The following ACSL5 variants were observed in gnomAD, a reference collection of about 807,000 sequenced individuals.
ACSL5 encodes acyl-CoA synthetase long chain family member 5.
ACSL5 carries 50 observed loss-of-function variants against 84.9 expected under a neutral mutation model. The observed-to-expected ratio is 0.59, with a 90% confidence interval of 0.47 to 0.75. The LOEUF is 0.75. Among genes scored for constraint, ACSL5 ranks in the 30% least tolerant of loss-of-function variants. The pLI is 0.00. For synonymous variants in ACSL5, 280 were observed against 300.7 expected (o/e 0.93, Z 0.71); for missense variants, 775 against 830.4 (o/e 0.93, Z 0.82).
In ACSL5 at chr10:112,421,573, G is replaced by A; in HGVS notation, c.1315-20G>A. On this transcript the variant is annotated intron_variant, in intron 14 of 20. Transcript: ENST00000354655. ...CACTTTATCTTGAGTAAGTCTAAAA[G>A]CTCTTCTTTGGTTTCCCAGGTGTAT... 1.2e-6 allele frequency: 2 copies of A among 1,612,002 alleles called. No homozygotes were observed. Among genetic ancestry groups the A allele is most frequent in the Non-Finnish European group, 1.7e-6 (2 of 1,178,026 alleles).
intron 17 of ACSL5, chr10:112,424,876 G>A (rs1052916691): frequency 6.5e-6 from 1 of 152,846 alleles, no homozygotes. Context: ...GCACAGTGGA[G>A]CTGTTTGAGC....
chr10:112,377,672 G>A (rs530062064), intron 1 of ACSL5, among the ~76,000 whole-genome samples: 1 of 152,290 alleles, frequency 6.6e-6, no homozygotes, highest in Non-Finnish European at 1.5e-5. Flanking sequence ...CCCTCCGATT[G>A]ATCAGTATTC....
At chr10:112,404,865 ATGCTATTCCCCGTCC>A (rs1843994223) in intron 5 of ACSL5, 59 bp downstream of exon 5, 1 of 1,433,086 alleles carries the variant, frequency 7.0e-7, no homozygotes, top group East Asian at 2.3e-5. Flanking sequence ...AAAACTTCAA[ATGCTATTCCCCGTCC>A]AGCATTCCAA....
At chr10:112,412,036 A>G (rs993353626) in intron 11 of ACSL5, 57 bp downstream of exon 11, 1 of 1,488,716 alleles carries the variant, frequency 6.7e-7, no homozygotes, top group South Asian at 1.1e-5. Flanking sequence ...TTGCTATCAC[A>G]TGTTTATTCC....
chr10:112,422,147 G>A (rs893460169), intron 16 of ACSL5, 112 bp downstream of exon 16: 2 of 1,286,538 alleles, frequency 1.6e-6, no homozygotes, highest in African/African-American at 1.5e-5. Context: ...TGTTAGCAAA[G>A]AATTAAGCAT....
chr10:112,425,549 AT>A, intron 18 of ACSL5, 68 bp downstream of exon 18: 1 of 1,317,094 alleles, frequency 7.6e-7, no homozygotes, highest in Non-Finnish European at 1.0e-6. Flanking sequence ...GCTACAGGAA[AT>A]TTGTATAGTT....
At chr10:112,389,286 C>T (rs1443995718) in intron 1 of ACSL5, among the ~76,000 whole-genome samples, 1 of 152,132 alleles carries the variant, frequency 6.6e-6, no homozygotes, top group Non-Finnish European at 1.5e-5. Flanking sequence ...TGTTAGGAGC[C>T]AGGAGATGAG....
rs752811630 is a variant in ACSL5 at position 112,427,327 on chromosome 10, T to C, written c.2021T>C (p.Ile674Thr). 6.8e-6 allele frequency: 11 copies of C among 1,613,592 alleles called. No homozygotes were observed. The highest frequency in any genetic ancestry group is 6.7e-5 in the African/African-American group (5 of 74,860). The change falls in exon 21 of 21, where the codon ATT (isoleucine) becomes ACT (threonine). Residue 674 changes from isoleucine to threonine, a missense_variant. Ile to Thr is a moderately conservative substitution (Grantham distance 89). Coordinates refer to ENST00000354655, the MANE Select transcript of ACSL5 (RefSeq NM_203379.2). ...GELSKYFRTQ[I>T]DSLYEHIQD The stretch of plus-strand genomic sequence containing the variant: ...CTTTCCAAATACTTTCGGACCCAAA[T>C]TGACAGCCTGTATGAGCACATCCAG...
chr10:112,417,369 G>T (rs1040392923), intron 13 of ACSL5, among the ~76,000 whole-genome samples: 3 of 151,910 alleles, frequency 2.0e-5, no homozygotes, highest in Non-Finnish European at 4.4e-5. Flanking sequence ...CGGGCGTGGT[G>T]GTGGGTGCCT....
At chr10:112,375,338 T>C (rs2133549642) in intron 1 of ACSL5, 1 of 151,356 alleles carries the variant, frequency 6.6e-6, no homozygotes. Flanking sequence ...CAAAGGCGGC[T>C]CCCCAGAGGC....
rs543371693 is a variant in ACSL5 at position 112,404,579 on chromosome 10, A to G, written c.330+4A>G. On this transcript the variant is annotated splice_donor_region_variant and intron_variant, in intron 4 of 20. Coordinates refer to ENST00000354655, the MANE Select transcript of ACSL5 (RefSeq NM_203379.2). Reference sequence around the variant, plus strand: ...CAGATGGCTATCTTACAAACAGGTAAGTTGAGTCCATGTTTTTAGACAGAT... The same window carrying G: ...CAGATGGCTATCTTACAAACAGGTAGGTTGAGTCCATGTTTTTAGACAGAT... 1.2e-6 allele frequency: 2 copies of G among 1,611,978 alleles called. No individual in the cohort carries two copies. The highest frequency in any genetic ancestry group is 3.3e-5 in the Admixed American group (2 of 60,006).
At chr10:112,388,742 A>G (rs1849501860) in intron 1 of ACSL5, among the ~76,000 whole-genome samples, 1 of 152,242 alleles carries the variant, frequency 6.6e-6, no homozygotes, top group South Asian at 2.1e-4. Flanking sequence ...GAAGAGAACA[A>G]AGTCCATGAC....
chr10:112,407,634 T>C (rs1209494082), intron 5 of ACSL5, among the ~76,000 whole-genome samples: 1 of 152,196 alleles, frequency 6.6e-6, no homozygotes, highest in Non-Finnish European at 1.5e-5. Context: ...ACATGGGGAT[T>C]ATGGGAACTA....
chr10:112,396,463 G>A (rs1478811349), intron 2 of ACSL5: 2 of 152,166 alleles, frequency 1.3e-5, no homozygotes, highest in African/African-American at 2.4e-5. Context: ...ACTGTGTTCC[G>A]ATAAAAGTTT....
chr10:112,375,802 T>C (rs1564727522), intron 1 of ACSL5, among the ~76,000 whole-genome samples: 1 of 152,216 alleles, frequency 6.6e-6, no homozygotes, highest in South Asian at 2.1e-4. Context: ...TTGCTTATTT[T>C]CTTGGCTTTG....
rs559588553 is a variant in ACSL5 at position 112,384,125 on chromosome 10, G to A, written c.-30+9856G>A. Reference sequence around the variant, plus strand: ...CGCTTGAACCCAGGAGGCAGAGGTTGCAGTGAGCCGAGATCACACCACTGC... The same window carrying A: ...CGCTTGAACCCAGGAGGCAGAGGTTACAGTGAGCCGAGATCACACCACTGC... On this transcript the variant is annotated intron_variant, in intron 1 of 20. Coordinates refer to ENST00000354655, the MANE Select transcript of ACSL5 (RefSeq NM_203379.2). 2.6e-5 allele frequency among the ~76,000 whole-genome samples: 4 copies of A among 152,154 alleles called. No homozygotes were observed. In the East Asian group the frequency reaches 7.8e-4, roughly 29 times the overall value.
At chr10:112,425,641 GCAA>G in intron 18 of ACSL5, 160 bp downstream of exon 18, 1 of 635,098 alleles carries the variant, frequency 1.6e-6, no homozygotes, top group Non-Finnish European at 2.4e-6. Context: ...CTCAAATAAG[GCAA>G]TTTCAATTTA....
At chr10:112,379,787 G>A (rs1419770940) in intron 1 of ACSL5, among the ~76,000 whole-genome samples, 1 of 152,226 alleles carries the variant, frequency 6.6e-6, no homozygotes, top group African/African-American at 2.4e-5. Context: ...GCACGACCTT[G>A]AAAGTTTGCC....
chr10:112,397,946 C>A (rs1480440786), intron 2 of ACSL5, among the ~76,000 whole-genome samples: 1 of 151,812 alleles, frequency 6.6e-6, no homozygotes, highest in Non-Finnish European at 1.5e-5. Flanking sequence ...CTATACATAT[C>A]ATCTCTCCTC....
Sources: allele counts gnomAD v4.1 joint callset (sites outside exome capture counted in the v4.1 genomes callset), GRCh38; gene constraint gnomAD v4.1.1; transcripts MANE v1.5; gene names NCBI Gene and HGNC (gene_info 2026-07-23, HGNC 2026-07-21).